CHSY3: variants seen among roughly 807,000 people sequenced by gnomAD.
The protein encoded by CHSY3 is N-acetylgalactosaminyl-proteoglycan 3-beta-glucuronosyltransferase 3.
CHSY3 carries 35 observed loss-of-function variants against 67.2 expected under a neutral mutation model. The ratio of observed to expected loss-of-function variants is 0.52; its 90% CI spans 0.40 to 0.69. CHSY3 has a LOEUF of 0.69. Ranked by LOEUF, CHSY3 falls within the 30% of genes least tolerant of loss-of-function variation. The probability of loss-of-function intolerance (pLI) is 0.00; values close to 1 mark genes in which losing one functional copy is unlikely to be tolerated. For missense variants in CHSY3, 1,069 were observed against 1,138.5 expected (o/e 0.94, Z 0.88); for synonymous variants, 474 against 434.7 (o/e 1.09, Z -1.12).
At chr5:130,066,766 G>T (rs999123180) in intron 2 of CHSY3, among the ~76,000 whole-genome samples, 1 of 152,096 alleles carries the variant, frequency 6.6e-6, no homozygotes, top group Non-Finnish European at 1.5e-5. Context: ...GCCAGGAAAA[G>T]GCGTAAGCTG....
At chr5:129,918,815 A>AG (rs1476674462) in intron 2 of CHSY3, among the ~76,000 whole-genome samples, 1 of 151,554 alleles carries the variant, frequency 6.6e-6, no homozygotes, top group Non-Finnish European at 1.5e-5. Flanking sequence ...TTTTAAAAAA[A>AG]AAAAAAAATT....
chr5:130,002,424 T>C (rs958185653), intron 2 of CHSY3, among the ~76,000 whole-genome samples: 4 of 152,186 alleles, frequency 2.6e-5, no homozygotes, highest in African/African-American at 9.7e-5. Flanking sequence ...CTTGGAGGCC[T>C]TATAATCCAT....
Position 129,906,291 on chromosome 5 carries a change from C to T in CHSY3, c.802+660C>T, listed in dbSNP as rs529187446. On this transcript the variant is annotated intron_variant, in intron 1 of 2. Coordinates refer to ENST00000305031, the MANE Select transcript of CHSY3 (RefSeq NM_175856.5). ...CCAGCCGCTACAGTTCAGCACCAAG[C>T]CGTCCCCCATCCCCCCGCCACACCT... 9.2e-5 allele frequency among the ~76,000 whole-genome samples: 14 copies of T among 152,130 alleles called. No homozygotes were observed. In the South Asian group the frequency reaches 1.5e-3, roughly 16 times the overall value.
At chr5:129,965,256 C>T (rs1312018429) in intron 2 of CHSY3, among the ~76,000 whole-genome samples, 1 of 151,878 alleles carries the variant, frequency 6.6e-6, no homozygotes, top group Non-Finnish European at 1.5e-5. Context: ...AGTGATGTTA[C>T]CTCTTTAGAA....
At chr5:130,176,779 G>A (rs762862893) in intron 2 of CHSY3, among the ~76,000 whole-genome samples, 9 of 152,126 alleles carry the variant, frequency 5.9e-5, no homozygotes, top group Non-Finnish European at 1.3e-4. Flanking sequence ...ACTAATAGTG[G>A]GAGTTGAACA....
At chr5:129,956,611 C>G (rs1055435158) in intron 2 of CHSY3, among the ~76,000 whole-genome samples, 2 of 151,844 alleles carry the variant, frequency 1.3e-5, no homozygotes, top group Non-Finnish European at 2.9e-5. Context: ...TTGGCATATT[C>G]ATCGTGAAAT....
chr5:130,070,446 A>G (rs1054172067), intron 2 of CHSY3, among the ~76,000 whole-genome samples: 6 of 152,098 alleles, frequency 3.9e-5, no homozygotes, highest in African/African-American at 1.4e-4. Context: ...GGATAAATGA[A>G]TCCACCACGT....
At chr5:130,019,922 C>T (rs1764318057) in intron 2 of CHSY3, among the ~76,000 whole-genome samples, 2 of 152,068 alleles carry the variant, frequency 1.3e-5, no homozygotes, top group Non-Finnish European at 2.9e-5. Flanking sequence ...TAGGGATTTG[C>T]ATTGATTTAT....
At chr5:130,075,093 C>A (rs1766207640) in intron 2 of CHSY3, among the ~76,000 whole-genome samples, 1 of 151,992 alleles carries the variant, frequency 6.6e-6, no homozygotes, top group Non-Finnish European at 1.5e-5. Flanking sequence ...TTTTTTAAAA[C>A]CACTATTACT....
rs192569621 is a variant in CHSY3 at position 129,949,890 on chromosome 5, G to A, written c.1086+41530G>A. On this transcript the variant is annotated intron_variant, in intron 2 of 2. Coordinates refer to ENST00000305031, the MANE Select transcript of CHSY3 (RefSeq NM_175856.5). ...AAATCATATGATGGATAGGCTGGGC[G>A]CGGTGGCTCATGCCTGTAATCCCAG... Among the ~76,000 whole-genome samples, 781 of 152,208 alleles carry A rather than the reference G, an allele frequency of 5.1e-3. 6 individuals are homozygous for A. The highest frequency in any genetic ancestry group is 0.041 in the Middle Eastern group (12 of 294).
At chr5:130,089,597 G>A (rs183568755) in intron 2 of CHSY3, among the ~76,000 whole-genome samples, 1 of 152,096 alleles carries the variant, frequency 6.6e-6, no homozygotes, top group East Asian at 1.9e-4. Context: ...CACAAGTGTT[G>A]GTTGAAAAAT....
chr5:129,951,902 A>G (rs1762033866), intron 2 of CHSY3, among the ~76,000 whole-genome samples: 1 of 152,214 alleles, frequency 6.6e-6, no homozygotes, highest in Non-Finnish European at 1.5e-5. Context: ...TTTCAGCTTT[A>G]CATTACTAGC....
At chr5:129,983,396 A>G (rs1234828485) in intron 2 of CHSY3, among the ~76,000 whole-genome samples, 1 of 152,106 alleles carries the variant, frequency 6.6e-6, no homozygotes, top group Non-Finnish European at 1.5e-5. Context: ...ATTTGTCAAC[A>G]TTCCTTATGG....
chr5:129,974,631 A>G (rs370187406), intron 2 of CHSY3, among the ~76,000 whole-genome samples: 1 of 152,122 alleles, frequency 6.6e-6, no homozygotes, highest in Non-Finnish European at 1.5e-5. Flanking sequence ...GAGGAACTTC[A>G]TGGCGCAGTT....
chr5:129,947,057 CAA>C (rs767005432), intron 2 of CHSY3, among the ~76,000 whole-genome samples: 1 of 152,060 alleles, frequency 6.6e-6, no homozygotes, highest in Non-Finnish European at 1.5e-5. Flanking sequence ...AATTTATAAA[CAA>C]AAGAGGTTTA....
chr5:129,972,706 T>G (rs1466388780), intron 2 of CHSY3, among the ~76,000 whole-genome samples: 1 of 151,944 alleles, frequency 6.6e-6, no homozygotes, highest in Non-Finnish European at 1.5e-5. Flanking sequence ...ACACCCACTC[T>G]CCTACTCACA....
chr5:130,027,274 C>T (rs1561503518), intron 2 of CHSY3, among the ~76,000 whole-genome samples: 2 of 151,926 alleles, frequency 1.3e-5, no homozygotes, highest in Non-Finnish European at 2.9e-5. Flanking sequence ...AATGCCCAAA[C>T]CCTGAACAAC....
At chr5:129,991,898 T>G (rs1371459215) in intron 2 of CHSY3, among the ~76,000 whole-genome samples, 3 of 152,182 alleles carry the variant, frequency 2.0e-5, no homozygotes, top group Admixed American at 6.6e-5. Context: ...AAGTTGCTTC[T>G]GAGAACTCTC....
At chr5:130,141,781 A>T (rs1768875009) in intron 2 of CHSY3, 1 of 431,262 alleles carries the variant, frequency 2.3e-6, no homozygotes, top group Admixed American at 2.7e-5. Context: ...TCAGATTCAG[A>T]AGAAGGAAGA....
Sources: gnomAD v4.1 joint callset for allele counts (sites outside exome capture counted in the v4.1 genomes callset) on GRCh38, gnomAD v4.1.1 for gene constraint, MANE v1.5 for transcripts, NCBI Gene and HGNC (gene_info 2026-07-23, HGNC 2026-07-21) for gene names.